The following CHCHD3 variants were observed in gnomAD, a reference collection of about 807,000 sequenced individuals.
CHCHD3 encodes the protein MICOS complex subunit MIC19.
CHCHD3 carries 20 observed loss-of-function variants against 38.2 expected under a neutral mutation model. The observed-to-expected ratio is 0.52, with a 90% confidence interval of 0.37 to 0.76. The LOEUF (loss-of-function observed/expected upper bound fraction) is 0.76. Among genes scored for constraint, CHCHD3 ranks in the 30% least tolerant of loss-of-function variants. CHCHD3 has a pLI of 0.00. For missense variants in CHCHD3, 245 were observed against 279.2 expected (o/e 0.88, Z 0.87); for synonymous variants, 82 against 100.0 (o/e 0.82, Z 1.07).
intron 4 of CHCHD3, among the ~76,000 whole-genome samples, chr7:132,933,651 T>G (rs1202062237): frequency 6.6e-6 from 1 of 152,204 alleles, no homozygotes; most frequent in Non-Finnish European, 1.5e-5. Context: ...CTCATAAATG[T>G]ACTCGATTAA....
intron 3 of CHCHD3, among the ~76,000 whole-genome samples, chr7:132,997,658 GTAAAAAAAAA>G (rs1562933416): frequency 4.0e-5 from 2 of 49,762 alleles, no homozygotes; most frequent in Admixed American, 2.5e-4. Flanking sequence ...TAACAGGGTT[GTAAAAAAAAA>G]AAAAAAAAAA....
intron 4 of CHCHD3, among the ~76,000 whole-genome samples, chr7:132,948,613 T>A (rs531362153): frequency 1.3e-5 from 2 of 152,146 alleles, no homozygotes; most frequent in Admixed American, 6.6e-5. Flanking sequence ...AAAGTTTCTA[T>A]GGAAAATCAA....
chr7:132,860,659 C>T (rs1312647455), intron 5 of CHCHD3, among the ~76,000 whole-genome samples: 1 of 151,950 alleles, frequency 6.6e-6, no homozygotes, highest in Non-Finnish European at 1.5e-5. Context: ...CAGAGTCTCA[C>T]TCTGTTGCCC....
chr7:133,035,227 G>A lies in CHCHD3; in HGVS notation c.170-10600C>T, dbSNP rs1015493603. 22 of 1,613,540 alleles carry A rather than the reference G, an allele frequency of 1.4e-5. No homozygotes were observed. The African/African-American group carries it at 2.5e-4, about 19-fold the overall frequency. On this transcript the variant is annotated intron_variant, in intron 2 of 7. Coordinates refer to ENST00000262570, the MANE Select transcript of CHCHD3 (RefSeq NM_017812.4). The surrounding 1 kb of genome is among the most constrained non-coding windows in gnomAD (Gnocchi z 4.7). ...TCTTCCCGTGAACCCTTCTCTTTCC[G>A]TGGTGTGTCCTTTTTAGGCTGGGTC...
chr7:132,821,983 C>T (rs1036870648), intron 6 of CHCHD3, among the ~76,000 whole-genome samples: 8 of 152,062 alleles, frequency 5.3e-5, no homozygotes, highest in African/African-American at 1.7e-4. Context: ...AGGATGGTCT[C>T]GATCTCCTGA....
intron 4 of CHCHD3, among the ~76,000 whole-genome samples, chr7:132,924,512 C>A (rs1208713391): frequency 6.6e-6 from 1 of 152,106 alleles, no homozygotes; most frequent in East Asian, 1.9e-4. Flanking sequence ...AGACTATAAA[C>A]CACCTAGAGT....
chr7:132,932,469 G>A (rs1810536430), intron 4 of CHCHD3, among the ~76,000 whole-genome samples: 2 of 152,172 alleles, frequency 1.3e-5, no homozygotes, highest in South Asian at 2.1e-4. Context: ...AAAACAAGGC[G>A]CTTCCCTAGG....
intron 4 of CHCHD3, among the ~76,000 whole-genome samples, chr7:132,963,493 A>T (rs929227828): frequency 2.0e-5 from 3 of 151,720 alleles, no homozygotes; most frequent in Non-Finnish European, 4.4e-5. Flanking sequence ...TTAGCCAGGC[A>T]TGGTAATGGG....
intron 6 of CHCHD3, among the ~76,000 whole-genome samples, chr7:132,824,881 T>C (rs1349424692): frequency 6.6e-6 from 1 of 152,228 alleles, no homozygotes; most frequent in Admixed American, 6.5e-5. Flanking sequence ...CAGATTCCCC[T>C]GGGATTCCGA....
intron 4 of CHCHD3, among the ~76,000 whole-genome samples, chr7:132,922,147 C>G (rs78718005): frequency 6.6e-6 from 1 of 152,150 alleles, no homozygotes; most frequent in Non-Finnish European, 1.5e-5. Context: ...GGAGGTAGGA[C>G]GTGGAAAAGG....
At chr7:132,875,879 T>A (rs1178987200) in intron 5 of CHCHD3, among the ~76,000 whole-genome samples, 1 of 152,260 alleles carries the variant, frequency 6.6e-6, no homozygotes, top group Non-Finnish European at 1.5e-5. Context: ...TTGCTTTATA[T>A]GCCAAATTCA....
chr7:133,053,299 T>C (rs1481233435), intron 2 of CHCHD3, among the ~76,000 whole-genome samples: 3 of 152,194 alleles, frequency 2.0e-5, no homozygotes, highest in Non-Finnish European at 4.4e-5. Context: ...ATTTATTCAA[T>C]AGGTGTCTCA....
At chr7:132,793,946 ATGAGGT>A (rs1390161828) in intron 7 of CHCHD3, among the ~76,000 whole-genome samples, 2 of 152,224 alleles carry the variant, frequency 1.3e-5, no homozygotes, top group African/African-American at 4.8e-5. Flanking sequence ...AGCTGGGGTC[ATGAGGT>A]TAGCCTAAAT....
In CHCHD3 at chr7:133,000,582, T is replaced by C. The variant is rs183681930; in HGVS notation, c.251+23964A>G. 3.2e-3 allele frequency among the ~76,000 whole-genome samples: 484 copies of C among 152,298 alleles called. 3 individuals carry two copies. In the South Asian group the frequency reaches 0.038, roughly 12 times the overall value. On this transcript the variant is annotated intron_variant, in intron 3 of 7. Coordinates refer to ENST00000262570, the MANE Select transcript of CHCHD3 (RefSeq NM_017812.4). ...GATTTAGCTTTTTTCACTTATGTGA[T>C]GTTGTCACTTTCATGCAATTGTCTT...
chr7:132,866,375 G>C (rs1212516307), intron 5 of CHCHD3, among the ~76,000 whole-genome samples: 2 of 152,166 alleles, frequency 1.3e-5, no homozygotes, highest in Non-Finnish European at 2.9e-5. Context: ...TCTAAAACAT[G>C]AGGATAACAC....
intron 2 of CHCHD3, among the ~76,000 whole-genome samples, chr7:133,064,103 C>T (rs200605925): frequency 7.2e-5 from 11 of 152,160 alleles, no homozygotes; most frequent in African/African-American, 2.7e-4. Flanking sequence ...ACAGAGGAGG[C>T]GACTAAACTA....
intron 3 of CHCHD3, among the ~76,000 whole-genome samples, chr7:132,997,659 TAAA>T (rs71178073): frequency 5.9e-4 from 48 of 81,760 alleles, no homozygotes; most frequent in East Asian, 2.9e-3. Flanking sequence ...AACAGGGTTG[TAAA>T]AAAAAAAAAA....
chr7:132,910,807 C>T (rs1479601094), intron 4 of CHCHD3, among the ~76,000 whole-genome samples: 1 of 152,218 alleles, frequency 6.6e-6, no homozygotes, highest in East Asian at 1.9e-4. Flanking sequence ...TCAGCCAGCA[C>T]TGTCTTTCCT....
At chr7:132,913,948 CTTTTTTTTTTT>C (rs71178066) in intron 4 of CHCHD3, among the ~76,000 whole-genome samples, 3 of 102,346 alleles carry the variant, frequency 2.9e-5, no homozygotes, top group African/African-American at 1.1e-4. Flanking sequence ...TTTTCTTTTT[CTTTTTTTTTTT>C]TTTTTTTTTT....
Sources: allele counts gnomAD v4.1 joint callset (sites outside exome capture counted in the v4.1 genomes callset), GRCh38; gene constraint gnomAD v4.1.1; non-coding constraint Gnocchi (gnomAD v3.1); transcripts MANE v1.5; gene names NCBI Gene and HGNC (gene_info 2026-07-23, HGNC 2026-07-21).